Variants in CBFA2T2 observed in about 807,000 individuals in gnomAD.
CBFA2T2 encodes protein CBFA2T2.
A neutral mutation model predicts 62.2 loss-of-function variants in CBFA2T2; 11 were observed. The ratio of observed to expected loss-of-function variants is 0.18; its 90% CI spans 0.11 to 0.29. The LOEUF (loss-of-function observed/expected upper bound fraction) is 0.29. Among genes scored for constraint, CBFA2T2 ranks in the 10% least tolerant of loss-of-function variants. CBFA2T2 has a pLI of 1.00. For synonymous variants in CBFA2T2, 295 were observed against 287.5 expected, an observed-to-expected ratio of 1.03 and a Z score of -0.27; for missense variants, 592 against 774.1, an observed-to-expected ratio of 0.76 and a Z score of 2.79.
In CBFA2T2 at chr20:33,611,090, T is replaced by C. The variant is rs774138896; in HGVS notation, c.179-4T>C. 2.5e-6 allele frequency: 4 copies of C among 1,613,404 alleles called. No individual in the cohort carries two copies. The highest frequency in any genetic ancestry group is 1.3e-5 in the African/African-American group (1 of 74,918). On this transcript the variant is annotated splice_region_variant and splice_polypyrimidine_tract_variant and intron_variant, in intron 2 of 10. Coordinates refer to ENST00000342704, the MANE Select transcript of CBFA2T2 (RefSeq NM_001032999.3). Reference sequence around the variant, plus strand: ...CTGAGTCTTTCATTTTGGCTTTCTTTTAGTAAGCAATGGCATCAACCATTC... The same window carrying C: ...CTGAGTCTTTCATTTTGGCTTTCTTCTAGTAAGCAATGGCATCAACCATTC...
Position 33,551,882 on chromosome 20 carries a change from A to AT in CBFA2T2, c.35-55065dup, listed in dbSNP as rs1161650992. On this transcript the variant is annotated intron_variant, in intron 1 of 10. Transcript: ENST00000342704. ...CTATCACTATTAAGTTTAATTCTTG[A>AT]TTTTTTTTTCCTTTTTCTCTTCTTG... Among the ~76,000 whole-genome samples, 12 of 149,970 alleles carry AT rather than the reference A, an allele frequency of 8.0e-5. No individual in the cohort carries two copies. In the South Asian group the frequency reaches 1.3e-3, roughly 16 times the overall value.
chr20:33,553,358 C>G (rs1338023478), intron 1 of CBFA2T2, among the ~76,000 whole-genome samples: 1 of 152,220 alleles, frequency 6.6e-6, no homozygotes, highest in Non-Finnish European at 1.5e-5. Flanking sequence ...TCCCGAGTAG[C>G]TGGGACTACA....
chr20:33,520,910 G>A (rs755761095), intron 1 of CBFA2T2, among the ~76,000 whole-genome samples: 20 of 148,984 alleles, frequency 1.3e-4, no homozygotes, highest in African/African-American at 2.7e-4. Context: ...ACACGCACGC[G>A]CACACACACA....
At chr20:33,511,173 C>G (rs7268256) in intron 1 of CBFA2T2, among the ~76,000 whole-genome samples, 3,396 of 152,190 alleles carry the variant, frequency 0.022, 120 homozygotes, top group African/African-American at 0.077. Flanking sequence ...GCTTTTGTTG[C>G]CATTGCTTTT....
At chr20:33,523,123 A>G (rs1201495686) in intron 1 of CBFA2T2, among the ~76,000 whole-genome samples, 1 of 152,208 alleles carries the variant, frequency 6.6e-6, no homozygotes, top group East Asian at 1.9e-4. Context: ...GGGTATGAGC[A>G]GCAGCATTGC....
chr20:33,576,686 A>G (rs1051349665), intron 1 of CBFA2T2, among the ~76,000 whole-genome samples: 1 of 152,278 alleles, frequency 6.6e-6, no homozygotes. Context: ...GGCAGCCACC[A>G]GGAGGGCGCC....
At chr20:33,604,316 A>G (rs1018268124) in intron 1 of CBFA2T2, among the ~76,000 whole-genome samples, 7 of 152,152 alleles carry the variant, frequency 4.6e-5, no homozygotes, top group Non-Finnish European at 7.3e-5. Flanking sequence ...ATCATCTTTA[A>G]TCATTACATG....
intron 1 of CBFA2T2, among the ~76,000 whole-genome samples, chr20:33,585,617 A>T (rs990833225): frequency 8.5e-5 from 13 of 152,342 alleles, no homozygotes; most frequent in African/African-American, 2.9e-4. Flanking sequence ...GAGGTCACAC[A>T]GTCAAACATT....
intron 1 of CBFA2T2, among the ~76,000 whole-genome samples, chr20:33,585,772 A>G (rs1278089800): frequency 6.6e-6 from 1 of 152,244 alleles, no homozygotes; most frequent in Admixed American, 6.5e-5. Context: ...AAGCATGTAG[A>G]TAATCTAGAA....
intron 3 of CBFA2T2, among the ~76,000 whole-genome samples, chr20:33,616,076 TAGAG>T (rs1568854405): frequency 1.6e-5 from 2 of 128,158 alleles, no homozygotes; most frequent in African/African-American, 5.9e-5. Context: ...ACTCTGTAGA[TAGAG>T]ATAGATAGAT....
At chr20:33,567,482 C>T (rs1408259037) in intron 1 of CBFA2T2, among the ~76,000 whole-genome samples, 2 of 152,108 alleles carry the variant, frequency 1.3e-5, no homozygotes. Flanking sequence ...GAGAGAGAGA[C>T]CACATTCACA....
At chr20:33,578,641 CT>C (rs1228844355) in intron 1 of CBFA2T2, among the ~76,000 whole-genome samples, 1 of 152,146 alleles carries the variant, frequency 6.6e-6, no homozygotes, top group Non-Finnish European at 1.5e-5. Flanking sequence ...AGATGTCATT[CT>C]CTCTGTTTGG....
At chr20:33,595,834 C>A (rs143994291) in intron 1 of CBFA2T2, among the ~76,000 whole-genome samples, 1 of 152,224 alleles carries the variant, frequency 6.6e-6, no homozygotes, top group Admixed American at 6.5e-5. Context: ...ACCACCATGC[C>A]TGGCCTACAG....
intron 1 of CBFA2T2, among the ~76,000 whole-genome samples, chr20:33,512,047 T>C (rs1001013378): frequency 6.6e-6 from 1 of 152,072 alleles, no homozygotes; most frequent in African/African-American, 2.4e-5. Flanking sequence ...CGTGGTGGCA[T>C]GCGCCTGTAG....
chr20:33,545,131 CA>C (rs11478116), intron 1 of CBFA2T2, among the ~76,000 whole-genome samples: 2,595 of 152,234 alleles, frequency 0.017, 67 homozygotes, highest in African/African-American at 0.06. Flanking sequence ...ATGTGTAATT[CA>C]AAACCTTTGT....
At chr20:33,623,622 A>G (rs895214487) in intron 5 of CBFA2T2, 1 of 636,546 alleles carries the variant, frequency 1.6e-6, no homozygotes. Context: ...AGGTTTTACC[A>G]TGTTGCCCAG....
intron 1 of CBFA2T2, among the ~76,000 whole-genome samples, chr20:33,507,048 A>C (rs1192142274): frequency 1.3e-5 from 2 of 152,184 alleles, no homozygotes; most frequent in Non-Finnish European, 2.9e-5. Flanking sequence ...TTACCCTGTT[A>C]GTTAAATTCA....
At position 33,645,314 on chromosome 20, in the gene CBFA2T2, C is replaced by T. The variant is rs1171214165; in HGVS notation, c.*668C>T. 1.3e-5 allele frequency: 2 copies of T among 152,218 alleles called. No homozygotes were observed. Among genetic ancestry groups the T allele is most frequent in the African/African-American group, 4.8e-5 (2 of 41,458 alleles). 9.4% of individuals were successfully genotyped at this position (152,218 alleles called of 1,614,324 possible). A position where few individuals can be genotyped will look rare whatever the true frequency, so the allele number is the denominator to read the frequency against. On this transcript the variant is annotated 3_prime_UTR_variant, in exon 11 of 11. Coordinates refer to ENST00000342704, the MANE Select transcript of CBFA2T2 (RefSeq NM_001032999.3). ...CACAGATGATTTTGGACAAGATTTT[C>T]CAACCTTGCTGGCTACTTTAGTTTG...
At chr20:33,526,216 C>A (rs1190119857) in intron 1 of CBFA2T2, among the ~76,000 whole-genome samples, 2 of 152,134 alleles carry the variant, frequency 1.3e-5, no homozygotes, top group Non-Finnish European at 2.9e-5. Context: ...GGTGTTAACA[C>A]TATATAATTC....
Sources: gnomAD v4.1 joint callset for allele counts (sites outside exome capture counted in the v4.1 genomes callset) on GRCh38, gnomAD v4.1.1 for gene constraint, MANE v1.5 for transcripts, NCBI Gene and HGNC (gene_info 2026-07-23, HGNC 2026-07-21) for gene names.